The following USP6NL variants were observed in gnomAD, a reference collection of about 807,000 sequenced individuals.
USP6NL encodes USP6 N-terminal-like protein.
USP6NL carries 26 observed loss-of-function variants against 61.9 expected under a neutral mutation model. The ratio of observed to expected loss-of-function variants is 0.42; its 90% confidence interval spans 0.31 to 0.58. USP6NL has a LOEUF of 0.58. USP6NL is among the 20% of genes least tolerant of loss of function. The pLI is 0.16. For synonymous variants in USP6NL, 432 were observed against 390.1 expected (o/e 1.11, Z -1.27); for missense variants, 1,114 against 1,034.3 (o/e 1.08, Z -1.06).
intron 2 of USP6NL, among the ~76,000 whole-genome samples, chr10:11,572,478 C>T (rs1837397729): frequency 6.6e-6 from 1 of 151,722 alleles, no homozygotes; most frequent in Non-Finnish European, 1.5e-5. Context: ...CCACATTCTT[C>T]CACAAAATGA....
chr10:11,572,023 C>G (rs1032303816), intron 2 of USP6NL, among the ~76,000 whole-genome samples: 1 of 150,758 alleles, frequency 6.6e-6, no homozygotes, highest in Admixed American at 6.6e-5. Flanking sequence ...TTCATATATC[C>G]ACATGATGTT....
intron 2 of USP6NL, among the ~76,000 whole-genome samples, chr10:11,554,238 T>C (rs1223050311): frequency 6.6e-6 from 1 of 152,092 alleles, no homozygotes; most frequent in Non-Finnish European, 1.5e-5. Flanking sequence ...GGTTTTCAGT[T>C]TCACATGGCT....
intron 5 of USP6NL, among the ~76,000 whole-genome samples, chr10:11,512,083 T>C (rs1294177188): frequency 1.3e-5 from 2 of 152,130 alleles, no homozygotes; most frequent in Admixed American, 1.3e-4. Context: ...TATTCATATG[T>C]GACAAATGTG....
rs1226577809 is a variant in USP6NL at position 11,540,723 on chromosome 10, C to T, written c.5-13156G>A. 6.6e-6 allele frequency among the ~76,000 whole-genome samples: 1 copy of T among 152,134 alleles called. No homozygotes were observed. The highest frequency in any genetic ancestry group is 1.5e-5 in the Non-Finnish European group (1 of 68,012). Reference sequence around the variant, plus strand: ...GATCAACCCAATGGTAACATTTCTACCCTTTAAATAAAAAATAATGTGCAA... The same window carrying T: ...GATCAACCCAATGGTAACATTTCTATCCTTTAAATAAAAAATAATGTGCAA... On this transcript the variant is annotated intron_variant, in intron 2 of 14. Coordinates refer to ENST00000609104, the MANE Select transcript of USP6NL (RefSeq NM_014688.5). The surrounding 1 kb of genome is among the most constrained non-coding windows in gnomAD (Gnocchi z 5.0).
intron 2 of USP6NL, among the ~76,000 whole-genome samples, chr10:11,550,625 A>G (rs982632058): frequency 6.6e-6 from 1 of 151,970 alleles, no homozygotes; most frequent in Non-Finnish European, 1.5e-5. Flanking sequence ...GCGTGGTGGC[A>G]CACACCTGTA....
chr10:11,473,375 T>G (rs754081235), intron 14 of USP6NL, among the ~76,000 whole-genome samples: 1 of 152,098 alleles, frequency 6.6e-6, no homozygotes, highest in African/African-American at 2.4e-5. Flanking sequence ...CAAAAGCATG[T>G]GTAGTGGACG....
In USP6NL at chr10:11,520,106, T is replaced by C. The variant is rs1316547057; in HGVS notation, c.156-1532A>G. Among the ~76,000 whole-genome samples the C allele has an allele frequency of 4.6e-5, 7 of 152,182 alleles. No homozygotes were observed. Among genetic ancestry groups the C allele is most frequent in the Admixed American group, 4.6e-4 (7 of 15,286 alleles). On this transcript the variant is annotated intron_variant, in intron 4 of 14. Transcript: ENST00000609104. This position sits in a 1 kb window ranked among gnomAD's most constrained non-coding sequence, Gnocchi z 5.2. ...ATTTCACAGATAATACAACTAACAT[T>C]TTCACTTAGTCGAGAGACTTTTAGC...
intron 2 of USP6NL, among the ~76,000 whole-genome samples, chr10:11,552,142 A>G (rs141444476): frequency 1.3e-5 from 2 of 152,344 alleles, no homozygotes; most frequent in East Asian, 3.9e-4. Context: ...AAAGATTTGA[A>G]TGTGCTTAGA....
intron 5 of USP6NL, among the ~76,000 whole-genome samples, chr10:11,517,176 T>C (rs941392499): frequency 1.8e-4 from 27 of 152,224 alleles, no homozygotes; most frequent in African/African-American, 6.3e-4. Flanking sequence ...TTTATGTCAA[T>C]ATATTTAGTT....
chr10:11,567,218 A>G (rs1042660135), intron 2 of USP6NL, among the ~76,000 whole-genome samples: 4 of 152,240 alleles, frequency 2.6e-5, no homozygotes, highest in Admixed American at 6.5e-5. Context: ...AAATAATTGT[A>G]TATGTTTACA....
At position 11,513,666 on chromosome 10, in the gene USP6NL, G is replaced by A. The variant is rs1044862729; in HGVS notation, c.196-3991C>T. Among the ~76,000 whole-genome samples the A allele has an allele frequency of 1.3e-5, 2 of 152,184 alleles. No individual in the cohort carries two copies. Among genetic ancestry groups the A allele is most frequent in the African/African-American group, 2.4e-5 (1 of 41,440 alleles). On this transcript the variant is annotated intron_variant, in intron 5 of 14. Coordinates refer to ENST00000609104, the MANE Select transcript of USP6NL (RefSeq NM_014688.5). This position sits in a 1 kb window ranked among gnomAD's most constrained non-coding sequence, Gnocchi z 4.7. The stretch of plus-strand genomic sequence containing the variant: ...GTTCATCCCTAAATATTTCAAGTAC[G>A]TATCGCCTAAGAATGAAAACACATT...
rs2133637007 is a variant in USP6NL, at chr10:11,589,595, T to C, written c.4+8036A>G. Among the ~76,000 whole-genome samples the C allele has an allele frequency of 6.6e-6, 1 of 152,358 alleles. No individual in the cohort carries two copies. The highest frequency in any genetic ancestry group is 2.4e-5 in the African/African-American group (1 of 41,588). On this transcript the variant is annotated intron_variant, in intron 2 of 14. Coordinates refer to ENST00000609104, the MANE Select transcript of USP6NL (RefSeq NM_014688.5). This position sits in a 1 kb window ranked among gnomAD's most constrained non-coding sequence, Gnocchi z 4.7. ...ATATTCTCCCTTACCTTGCAAGTAC[T>C]AGAACATAACTAGGTTCACCAGTGA...
intron 2 of USP6NL, among the ~76,000 whole-genome samples, chr10:11,544,731 C>T (rs1197800750): frequency 1.3e-5 from 2 of 152,122 alleles, no homozygotes; most frequent in African/African-American, 4.8e-5. Context: ...TCACGTGATC[C>T]ACCCGCCTCG....
intron 6 of USP6NL, among the ~76,000 whole-genome samples, chr10:11,507,800 T>A (rs1256997717): frequency 6.6e-6 from 1 of 152,226 alleles, no homozygotes; most frequent in Non-Finnish European, 1.5e-5. Flanking sequence ...TTCTATGCTT[T>A]ACATCAACTA....
chr10:11,509,029 A>G (rs1394063861), intron 6 of USP6NL, among the ~76,000 whole-genome samples: 1 of 152,236 alleles, frequency 6.6e-6, no homozygotes, highest in Non-Finnish European at 1.5e-5. Flanking sequence ...TTTTCTGATG[A>G]GACGCATGGT....
intron 1 of USP6NL, among the ~76,000 whole-genome samples, chr10:11,609,701 G>C (rs1275264082): frequency 6.6e-6 from 1 of 152,170 alleles, no homozygotes; most frequent in Non-Finnish European, 1.5e-5. Context: ...ACACACATGG[G>C]CACATGGTGG....
chr10:11,497,129 G>A (rs1393731062), intron 7 of USP6NL, among the ~76,000 whole-genome samples: 1 of 143,108 alleles, frequency 7.0e-6, no homozygotes, highest in African/African-American at 2.6e-5. Flanking sequence ...AATGGGCAAG[G>A]CCGGGCACAG....
rs146196430 is a variant in USP6NL, at chr10:11,526,030, T to C, written c.73-562A>G. Among the ~76,000 whole-genome samples the C allele has an allele frequency of 5.9e-5, 9 of 152,292 alleles. No homozygotes were observed. In the East Asian group the frequency reaches 1.7e-3, roughly 29 times the overall value. On this transcript the variant is annotated intron_variant, in intron 3 of 14. Coordinates refer to ENST00000609104, the MANE Select transcript of USP6NL (RefSeq NM_014688.5). ...CATCTAACGGATCTCTGAAGCGTACTTGTCAGTGTCGCTCACTCCCTCTTC... is the reference window on the plus strand; with the variant it reads ...CATCTAACGGATCTCTGAAGCGTACCTGTCAGTGTCGCTCACTCCCTCTTC...
rs1344979957 is a variant in USP6NL, at chr10:11,491,719, C to A, written c.495-839G>T. 1.3e-5 allele frequency among the ~76,000 whole-genome samples: 2 copies of A among 152,142 alleles called. No homozygotes were observed. The highest frequency in any genetic ancestry group is 6.5e-5 in the Admixed American group (1 of 15,274). On this transcript the variant is annotated intron_variant, in intron 8 of 14. Transcript: ENST00000609104. The surrounding 1 kb of genome is among the most constrained non-coding windows in gnomAD (Gnocchi z 4.7). ...GGCATCTCTTACTAGTATCACTGAG[C>A]CCTGTGATGAAAGTCAATGGAAAAC...
Sources: allele counts gnomAD v4.1 joint callset (sites outside exome capture counted in the v4.1 genomes callset), GRCh38; gene constraint gnomAD v4.1.1; non-coding constraint Gnocchi (gnomAD v3.1); transcripts MANE v1.5; gene names NCBI Gene and HGNC (gene_info 2026-07-23, HGNC 2026-07-21).